SNRPC: variants seen among roughly 807,000 people sequenced by gnomAD.
SNRPC encodes small nuclear ribonucleoprotein polypeptide C, also known as U1 small nuclear ribonucleoprotein C.
SNRPC carries 5 observed loss-of-function variants against 20.0 expected under a neutral mutation model. The ratio of observed to expected loss-of-function variants is 0.25; its 90% CI spans 0.13 to 0.53. SNRPC has a LOEUF of 0.53. Among genes scored for constraint, SNRPC ranks in the 20% least tolerant of loss-of-function variants. SNRPC has a pLI of 0.96. For synonymous variants in SNRPC, 61 were observed against 58.7 expected (o/e 1.04, Z -0.18); for missense variants, 112 against 224.1 (o/e 0.50, Z 3.19).
chr6:34,762,837 C>A, intron 3 of SNRPC, 134 bp downstream of exon 3: 1 of 631,642 alleles, frequency 1.6e-6, no homozygotes, highest in Non-Finnish European at 2.9e-6. Flanking sequence ...ATGAAAGAAG[C>A]AGAAGGTCAT....
intron 4 of SNRPC, among the ~76,000 whole-genome samples, chr6:34,769,716 T>C (rs1764662520): frequency 6.6e-6 from 1 of 152,172 alleles, no homozygotes; most frequent in South Asian, 2.1e-4. Context: ...CTTGTTTTGT[T>C]TTTTTAAATT....
chr6:34,758,543 G>A (rs947801120), intron 2 of SNRPC, among the ~76,000 whole-genome samples: 1 of 151,998 alleles, frequency 6.6e-6, no homozygotes. Flanking sequence ...TCGAACTCCC[G>A]ACCTCAGGCG....
intron 5 of SNRPC, among the ~76,000 whole-genome samples, chr6:34,772,568 T>C (rs1280781893): frequency 6.6e-6 from 1 of 152,248 alleles, no homozygotes; most frequent in African/African-American, 2.4e-5. Flanking sequence ...TATGGTTTTC[T>C]CTTGAACCCT....
chr6:34,771,145 A>G (rs952453836), intron 5 of SNRPC, among the ~76,000 whole-genome samples: 2 of 152,004 alleles, frequency 1.3e-5, no homozygotes, highest in African/African-American at 4.8e-5. Flanking sequence ...TGGCTAACAC[A>G]ATGAAACCCC....
intron 5 of SNRPC, among the ~76,000 whole-genome samples, chr6:34,770,832 A>T (rs995535083): frequency 2.0e-5 from 3 of 152,170 alleles, no homozygotes; most frequent in African/African-American, 7.2e-5. Context: ...TTTGATTTGG[A>T]GCAGAGCCAC....
At chr6:34,764,251 G>A (rs759468517) in intron 3 of SNRPC, among the ~76,000 whole-genome samples, 114 of 151,378 alleles carry the variant, frequency 7.5e-4, no homozygotes, top group Admixed American at 1.3e-3. Context: ...AGGCTGAGGC[G>A]GGTGGATCAC....
At chr6:34,764,006 T>G (rs959354639) in intron 3 of SNRPC, among the ~76,000 whole-genome samples, 89 of 149,504 alleles carry the variant, frequency 6.0e-4, no homozygotes, top group African/African-American at 2.2e-3. Flanking sequence ...TGAGCCACCA[T>G]GCCCAGCCAA....
intron 2 of SNRPC, among the ~76,000 whole-genome samples, chr6:34,758,887 G>A (rs893626539): frequency 3.3e-5 from 5 of 151,694 alleles, no homozygotes; most frequent in African/African-American, 9.7e-5. Context: ...GGTGGCGGGC[G>A]GGCGACTCTA....
intron 3 of SNRPC, among the ~76,000 whole-genome samples, chr6:34,764,654 C>A (rs1224937190): frequency 6.6e-6 from 1 of 151,572 alleles, no homozygotes; most frequent in East Asian, 1.9e-4. Context: ...CAGAGTGAGA[C>A]TCCATCTCAA....
chr6:34,768,595 T>TA (rs1220147838), intron 4 of SNRPC, among the ~76,000 whole-genome samples: 1 of 151,718 alleles, frequency 6.6e-6, no homozygotes, highest in Admixed American at 6.6e-5. Flanking sequence ...CTACTAAAAA[T>TA]ACAAAAGTTA....
At chr6:34,762,453 G>A (rs1764550313) in intron 2 of SNRPC, 142 bp from the exon 3 acceptor site, 1 of 573,108 alleles carries the variant, frequency 1.7e-6, no homozygotes, top group African/African-American at 1.9e-5. Flanking sequence ...GTGTGTTGCT[G>A]GATAATGTTT....
intron 3 of SNRPC, 87 bp from the exon 4 acceptor site, chr6:34,767,821 A>G: frequency 7.5e-7 from 1 of 1,333,918 alleles, no homozygotes; most frequent in Non-Finnish European, 1.0e-6. Flanking sequence ...GGAACCGTTG[A>G]AGACTTAAAG....
At position 34,762,673 on chromosome 6, in the gene SNRPC, G is replaced by C; in HGVS notation, c.130G>C (p.Glu44Gln). Reference protein sequence around the residue: ...VKDYYQKWMEEQAQSLIDKTT... With the variant: ...VKDYYQKWMEQQAQSLIDKTT... ...AGACTATTATCAGAAATGGATGGAAGAGCAGGCTCAGAGCCTGATTGACAA... is the reference window on the plus strand; with the variant it reads ...AGACTATTATCAGAAATGGATGGAACAGCAGGCTCAGAGCCTGATTGACAA... Residue 44 changes from glutamate to glutamine, a missense_variant, in exon 3 of 6, where the codon GAG (glutamate) becomes CAG (glutamine). Coordinates refer to ENST00000244520, the MANE Select transcript of SNRPC (RefSeq NM_003093.3). The C allele has an allele frequency of 6.3e-7, 1 of 1,592,654 alleles. No individual in the cohort carries two copies. The highest frequency in any genetic ancestry group is 8.6e-7 in the Non-Finnish European group (1 of 1,160,466).
In SNRPC at chr6:34,767,975, G is replaced by A. The variant is rs1201059629; in HGVS notation, c.228G>A (p.Met76Ile). 5 of 1,611,638 alleles carry A rather than the reference G, an allele frequency of 3.1e-6. No individual in the cohort carries two copies. The South Asian group carries it at 4.4e-5, about 14-fold the overall frequency. The change falls in exon 4 of 6, where the codon ATG (methionine) becomes ATA (isoleucine). Residue 76 changes from methionine (M) to isoleucine (I), a missense_variant. By Grantham distance (10) the Met-to-Ile change is conservative (BLOSUM62 1). Transcript: ENST00000244520. ...CTGCTCCTCCTCCTGCAGGGGCGATGATACCACCTCCCCCCAGCCTTCGTA... is the reference window on the plus strand; with the variant it reads ...CTGCTCCTCCTCCTGCAGGGGCGATAATACCACCTCCCCCCAGCCTTCGTA... ...PFSAPPPAGA[M>I]IPPPPSLPGP...
chr6:34,762,969 T>C (rs891391768), intron 3 of SNRPC, among the ~76,000 whole-genome samples: 4 of 152,228 alleles, frequency 2.6e-5, no homozygotes, highest in African/African-American at 9.6e-5. Flanking sequence ...AATATTTATC[T>C]ATTGGCACAG....
At chr6:34,760,225 G>A (rs1764517439) in intron 2 of SNRPC, among the ~76,000 whole-genome samples, 1 of 147,666 alleles carries the variant, frequency 6.8e-6, no homozygotes, top group Admixed American at 7.1e-5. Context: ...CAATTCTCCT[G>A]TCTCAGCTTC....
At chr6:34,772,111 CG>C (rs1319846557) in intron 5 of SNRPC, among the ~76,000 whole-genome samples, 1 of 151,822 alleles carries the variant, frequency 6.6e-6, no homozygotes, top group African/African-American at 2.4e-5. Context: ...AGAGGGTGGA[CG>C]GGGATAGGAA....
chr6:34,773,458 G>C lies in SNRPC; in HGVS notation c.368G>C (p.Arg123Thr). 1 of 1,613,626 alleles carries C rather than the reference G, an allele frequency of 6.2e-7. No homozygotes were observed. Among genetic ancestry groups the C allele is most frequent in the Non-Finnish European group, 8.5e-7 (1 of 1,179,898 alleles). ...MMPVGPAPGM[R>T]PPMGGHMPMM... ...TTTTGTCCTGCAGCTCCTGGAATGAGGCCGCCCATGGGAGGCCATATGCCA... is the reference window on the plus strand; with the variant it reads ...TTTTGTCCTGCAGCTCCTGGAATGACGCCGCCCATGGGAGGCCATATGCCA... Residue 123 changes from arginine to threonine, a missense_variant, in exon 6 of 6, where the codon AGG (arginine) becomes ACG (threonine). Transcript: ENST00000244520. This position sits in a 1 kb window ranked among gnomAD's most constrained non-coding sequence, Gnocchi z 4.1.
At chr6:34,768,033 G>C (rs1764636889) in intron 4 of SNRPC, 36 bp downstream of exon 4, 2 of 1,581,418 alleles carry the variant, frequency 1.3e-6, no homozygotes, top group Admixed American at 3.7e-5. Flanking sequence ...GGGTGTGACG[G>C]GGCAGGCTAT....
Sources: gnomAD v4.1 joint callset for allele counts (sites outside exome capture counted in the v4.1 genomes callset) on GRCh38, gnomAD v4.1.1 for gene constraint, Gnocchi (gnomAD v3.1) non-coding constraint, MANE v1.5 for transcripts, NCBI Gene and HGNC (gene_info 2026-07-23, HGNC 2026-07-21) for gene names.